RAB28: variants seen among roughly 807,000 people sequenced by gnomAD.
The protein encoded by RAB28 is RAB28, member RAS oncogene family.
Under a neutral mutation model 31.7 loss-of-function variants are expected in RAB28, and 24 were observed. The observed-to-expected ratio is 0.76, with a 90% CI of 0.55 to 1.06. The LOEUF (loss-of-function observed/expected upper bound fraction) is 1.06. Ranked by LOEUF, RAB28 falls within the 50% of genes least tolerant of loss-of-function variation. The pLI, the probability that RAB28 is intolerant of heterozygous loss-of-function variation, is 0.00. For synonymous variants in RAB28, 100 were observed against 90.4 expected (o/e 1.11, Z -0.60); for missense variants, 254 against 258.5 (o/e 0.98, Z 0.12).
chr4:13,399,973 C>T (rs1254731983), intron 4 of RAB28, among the ~76,000 whole-genome samples: 1 of 152,060 alleles, frequency 6.6e-6, no homozygotes, highest in Non-Finnish European at 1.5e-5. Flanking sequence ...AAAAGATATT[C>T]TTTTATTTTT....
Position 13,474,303 on chromosome 4 carries a change from G to T in RAB28, c.261+15C>A. 6.5e-7 allele frequency: 1 copy of T among 1,529,376 alleles called. No individual in the cohort carries two copies. The highest frequency in any genetic ancestry group is 9.0e-7 in the Non-Finnish European group (1 of 1,108,208). 94.7% of individuals were successfully genotyped at this position (1,529,376 alleles called of 1,614,324 possible). ...TATACTTTCAATACTGGAATAATCA[G>T]AATTCATATCATACCTGTGCTCCAT... On this transcript the variant is annotated intron_variant, in intron 3 of 6. Coordinates refer to ENST00000330852, the MANE Select transcript of RAB28 (RefSeq NM_001017979.3).
At chr4:13,385,080 A>C (rs547535319) in intron 4 of RAB28, among the ~76,000 whole-genome samples, 1 of 152,366 alleles carries the variant, frequency 6.6e-6, no homozygotes, top group Admixed American at 6.5e-5. Flanking sequence ...TAATAGCAGA[A>C]TAGATCAACC....
chr4:13,445,110 C>G lies in RAB28; in HGVS notation c.391+15589G>C, dbSNP rs116123908. Among the ~76,000 whole-genome samples, 1,349 of 151,836 alleles carry G rather than the reference C, an allele frequency of 8.9e-3. 8 individuals are homozygous for G. Among genetic ancestry groups the G allele is most frequent in the South Asian group, 0.017 (82 of 4,802 alleles). On this transcript the variant is annotated intron_variant, in intron 4 of 6. Coordinates refer to ENST00000330852, the MANE Select transcript of RAB28 (RefSeq NM_001017979.3). ...TTTTTTCTCTAATCTTGTCTGCATGCCTTATTTCCACAAGATGGTCTTCAA... is the reference window on the plus strand; with the variant it reads ...TTTTTTCTCTAATCTTGTCTGCATGGCTTATTTCCACAAGATGGTCTTCAA...
intron 6 of RAB28, among the ~76,000 whole-genome samples, chr4:13,369,407 T>G (rs1429936905): frequency 1.3e-5 from 2 of 152,126 alleles, no homozygotes; most frequent in Non-Finnish European, 2.9e-5. Context: ...CTTAGCAATA[T>G]GCTTAATATT....
intron 4 of RAB28, among the ~76,000 whole-genome samples, chr4:13,427,895 T>C (rs1386019030): frequency 6.6e-6 from 1 of 152,242 alleles, no homozygotes; most frequent in South Asian, 2.1e-4. Context: ...AAGAACGAAG[T>C]GCTTTATTCG....
At chr4:13,383,859 G>T (rs975805858) in intron 4 of RAB28, among the ~76,000 whole-genome samples, 2 of 152,150 alleles carry the variant, frequency 1.3e-5, no homozygotes, top group African/African-American at 4.8e-5. Context: ...AATGATGCAG[G>T]GCAGTCCTGC....
chr4:13,396,190 T>C (rs1271073195), intron 4 of RAB28, among the ~76,000 whole-genome samples: 1 of 151,974 alleles, frequency 6.6e-6, no homozygotes, highest in Non-Finnish European at 1.5e-5. Context: ...AAGCAAAATA[T>C]AAATATAGCA....
At chr4:13,461,738 C>T (rs996929916) in intron 3 of RAB28, among the ~76,000 whole-genome samples, 1 of 152,166 alleles carries the variant, frequency 6.6e-6, no homozygotes, top group African/African-American at 2.4e-5. Flanking sequence ...GATTCTCATC[C>T]AGTTTGTGGT....
chr4:13,482,352 T>C (rs1335438517), intron 1 of RAB28, among the ~76,000 whole-genome samples: 1 of 152,194 alleles, frequency 6.6e-6, no homozygotes, highest in Non-Finnish European at 1.5e-5. Flanking sequence ...TAAATACTGT[T>C]AGAAAAATGA....
At chr4:13,368,691 A>T in intron 6 of RAB28, 41 bp from the exon 7 acceptor site, 1 of 1,540,204 alleles carries the variant, frequency 6.5e-7, no homozygotes, top group Non-Finnish European at 8.9e-7. Flanking sequence ...GGATATCAGA[A>T]CATTTAGAAA....
At chr4:13,392,596 T>C (rs754748288) in intron 4 of RAB28, among the ~76,000 whole-genome samples, 15 of 152,202 alleles carry the variant, frequency 9.9e-5, no homozygotes, top group Non-Finnish European at 1.8e-4. Flanking sequence ...AAGCATTCCC[T>C]TTCCTCCATA....
intron 4 of RAB28, among the ~76,000 whole-genome samples, chr4:13,449,661 T>A (rs1330371623): frequency 6.6e-6 from 1 of 151,936 alleles, no homozygotes; most frequent in African/African-American, 2.4e-5. Flanking sequence ...TATGCCCTCA[T>A]CTGTCATGAA....
intron 4 of RAB28, among the ~76,000 whole-genome samples, chr4:13,445,239 G>C (rs368150826): frequency 6.6e-6 from 1 of 151,744 alleles, no homozygotes; most frequent in Non-Finnish European, 1.5e-5. Flanking sequence ...GGTCTTTAAT[G>C]TTCCTATCTA....
chr4:13,384,788 A>G (rs772521113), intron 4 of RAB28, among the ~76,000 whole-genome samples: 7 of 152,200 alleles, frequency 4.6e-5, no homozygotes, highest in Non-Finnish European at 1.0e-4. Context: ...GAACTCTAAC[A>G]ACTCAAAAAG....
intron 6 of RAB28, among the ~76,000 whole-genome samples, chr4:13,372,606 T>C (rs10488957): frequency 0.094 from 14,313 of 152,106 alleles, 1,329 homozygotes; most frequent in African/African-American, 0.24. Flanking sequence ...TAGAGTAGTA[T>C]GTACAAAATG....
At chr4:13,380,707 A>G (rs973805064) in intron 5 of RAB28, among the ~76,000 whole-genome samples, 5 of 152,042 alleles carry the variant, frequency 3.3e-5, no homozygotes, top group Admixed American at 1.3e-4. Context: ...TCTGGTGGTG[A>G]TTTGGCAATG....
At chr4:13,428,182 C>A (rs1713615079) in intron 4 of RAB28, among the ~76,000 whole-genome samples, 1 of 152,246 alleles carries the variant, frequency 6.6e-6, no homozygotes, top group Non-Finnish European at 1.5e-5. Flanking sequence ...CCAGGGCGCG[C>A]CGCCGGGCTG....
chr4:13,418,456 T>C (rs1166268470), intron 4 of RAB28, among the ~76,000 whole-genome samples: 1 of 152,044 alleles, frequency 6.6e-6, no homozygotes, highest in Non-Finnish European at 1.5e-5. Flanking sequence ...AATTGTCAGA[T>C]TCACCAAGGT....
chr4:13,375,379 A>G (rs1205809117), intron 6 of RAB28, among the ~76,000 whole-genome samples: 1 of 152,224 alleles, frequency 6.6e-6, no homozygotes, highest in Non-Finnish European at 1.5e-5. Flanking sequence ...TACTGAGTTT[A>G]CAATGTATGA....
Sources: gnomAD v4.1 joint callset for allele counts (sites outside exome capture counted in the v4.1 genomes callset) on GRCh38, gnomAD v4.1.1 for gene constraint, MANE v1.5 for transcripts, NCBI Gene and HGNC (gene_info 2026-07-23, HGNC 2026-07-21) for gene names.